Variants in TTC39B observed in about 807,000 individuals in gnomAD.
TTC39B encodes the protein tetratricopeptide repeat domain 39B.
TTC39B carries 92 observed loss-of-function variants against 96.6 expected under a neutral mutation model. That is an observed-to-expected ratio of 0.95 (90% CI 0.80 to 1.13). The LOEUF (loss-of-function observed/expected upper bound fraction) is 1.13, where lower values mean the gene tolerates loss of function less well. TTC39B is among the 50% of genes most tolerant of loss of function. The pLI is 0.00. For synonymous variants in TTC39B, 367 were observed against 299.4 expected, an observed-to-expected ratio of 1.23 and a Z score of -2.33; for missense variants, 955 against 809.3, an observed-to-expected ratio of 1.18 and a Z score of -2.18.
intron 1 of TTC39B, among the ~76,000 whole-genome samples, chr9:15,285,033 G>T (rs1400719861): frequency 1.3e-5 from 2 of 152,024 alleles, no homozygotes; most frequent in Non-Finnish European, 2.9e-5. Flanking sequence ...AGGCCGAGGC[G>T]AGCGGATCAC....
intron 3 of TTC39B, among the ~76,000 whole-genome samples, chr9:15,218,327 T>A (rs1030864085): frequency 6.6e-6 from 1 of 152,148 alleles, no homozygotes; most frequent in Admixed American, 6.5e-5. Flanking sequence ...ACCTTCACAA[T>A]GTCCCTTAAC....
chr9:15,201,764 C>T (rs367573253), intron 7 of TTC39B, among the ~76,000 whole-genome samples: 4 of 152,112 alleles, frequency 2.6e-5, no homozygotes, highest in African/African-American at 4.8e-5. Context: ...GTGCGGGGGG[C>T]GGGTAGGGAA....
intron 1 of TTC39B, among the ~76,000 whole-genome samples, chr9:15,300,658 G>T (rs769321971): frequency 6.6e-6 from 1 of 152,174 alleles, no homozygotes; most frequent in Non-Finnish European, 1.5e-5. Flanking sequence ...GGCCAAGGCA[G>T]GTGGATCACC....
chr9:15,242,814 G>A (rs1031300126), intron 2 of TTC39B, among the ~76,000 whole-genome samples: 1 of 152,170 alleles, frequency 6.6e-6, no homozygotes, highest in African/African-American at 2.4e-5. Context: ...AGTTCTCTGT[G>A]TTATTCTTGC....
chr9:15,283,886 G>A (rs1823861341), intron 1 of TTC39B, among the ~76,000 whole-genome samples: 1 of 151,960 alleles, frequency 6.6e-6, no homozygotes, highest in African/African-American at 2.4e-5. Context: ...TTTAAAAAAT[G>A]GGTATTTTTT....
chr9:15,240,034 G>T (rs1285750252), intron 2 of TTC39B, among the ~76,000 whole-genome samples: 2 of 152,156 alleles, frequency 1.3e-5, no homozygotes, highest in African/African-American at 4.8e-5. Flanking sequence ...AAAAAAAACT[G>T]CTTCCCAGAC....
exon 20 of TTC39B, chr9:15,171,147 C>G (rs1475889887): frequency 6.6e-6 from 1 of 152,054 alleles, no homozygotes; most frequent in East Asian, 1.9e-4. Context: ...CATCACAGTG[C>G]TAGAGAGATT....
intron 8 of TTC39B, among the ~76,000 whole-genome samples, chr9:15,193,957 T>C (rs945723588): frequency 1.3e-5 from 2 of 152,160 alleles, no homozygotes; most frequent in African/African-American, 4.8e-5. Context: ...AACCTCGATA[T>C]CCAGGATCCC....
rs1554779421 is a variant in TTC39B at position 15,235,020 on chromosome 9, G to GGTCAATAAATAAATAA, written c.276-9009_276-9008insTTATTTATTTATTGAC. Among the ~76,000 whole-genome samples, 9 of 55,456 alleles carry GGTCAATAAATAAATAA rather than the reference G, an allele frequency of 1.6e-4. No homozygotes were observed. The East Asian group carries it at 0.012, about 74-fold the overall frequency. 36.4% of individuals were successfully genotyped at this position (55,456 alleles called of 152,430 possible). ...CCCTCTGTGAGAAACACCCAAGAAT[G>GGTCAATAAATAAATAA]ATCAATAAATAAATAAATAAATAAA... is the stretch of plus-strand genomic sequence containing the variant. On this transcript the variant is annotated intron_variant, in intron 2 of 19. Transcript: ENST00000512701.
rs542745090 is a variant in TTC39B at position 15,294,986 on chromosome 9, C to T, written c.240+12098G>A. Among the ~76,000 whole-genome samples, 24 of 152,330 alleles carry T rather than the reference C, an allele frequency of 1.6e-4. No individual in the cohort carries two copies. The South Asian group carries it at 4.4e-3, about 28-fold the overall frequency. The stretch of plus-strand genomic sequence containing the variant: ...ATGGAGGAGCAGGGATTCAAGCCCA[C>T]GTCCAACTGACTCCAGAACTTACAA... On this transcript the variant is annotated intron_variant, in intron 1 of 19. Coordinates refer to ENST00000512701, the Ensembl canonical transcript of TTC39B.
chr9:15,242,426 A>G (rs1382232137), intron 2 of TTC39B, among the ~76,000 whole-genome samples: 1 of 152,152 alleles, frequency 6.6e-6, no homozygotes. Context: ...TACAAAAAAT[A>G]CGAAAAATCA....
At chr9:15,269,794 A>C (rs1823272082) in intron 1 of TTC39B, among the ~76,000 whole-genome samples, 1 of 149,610 alleles carries the variant, frequency 6.7e-6, no homozygotes, top group African/African-American at 2.4e-5. Flanking sequence ...GGCGGACGTT[A>C]CAGTGAGCCG....
intron 1 of TTC39B, among the ~76,000 whole-genome samples, chr9:15,289,610 G>A (rs150684989): frequency 3.9e-4 from 60 of 152,266 alleles, no homozygotes; most frequent in African/African-American, 1.1e-3. Flanking sequence ...TTCCTCTCTC[G>A]CACATGTCTT....
chr9:15,270,258 C>T (rs1466307868), intron 1 of TTC39B, among the ~76,000 whole-genome samples: 1 of 151,992 alleles, frequency 6.6e-6, no homozygotes, highest in Non-Finnish European at 1.5e-5. Flanking sequence ...TATCATACTC[C>T]ATAAGGGAGG....
intron 1 of TTC39B, among the ~76,000 whole-genome samples, chr9:15,285,330 C>T (rs1823928481): frequency 6.6e-6 from 1 of 151,194 alleles, no homozygotes; most frequent in South Asian, 2.1e-4. Context: ...TACTTTCAGT[C>T]TCTAGACAAC....
intron 4 of TTC39B, among the ~76,000 whole-genome samples, chr9:15,211,876 G>A (rs552808877): frequency 7.4e-4 from 112 of 152,300 alleles, no homozygotes; most frequent in African/African-American, 2.5e-3. Flanking sequence ...AAGTTAGGCT[G>A]GTCACAAGAG....
chr9:15,265,351 G>A (rs553152248), intron 2 of TTC39B, among the ~76,000 whole-genome samples: 146 of 152,236 alleles, frequency 9.6e-4, no homozygotes, highest in Middle Eastern at 6.8e-3. Context: ...AGTGAGACCC[G>A]TCCTCCTCTG....
chr9:15,283,650 T>C (rs1426811751), intron 1 of TTC39B, among the ~76,000 whole-genome samples: 5 of 152,130 alleles, frequency 3.3e-5, no homozygotes, highest in South Asian at 2.1e-4. Flanking sequence ...CCCTGAAAAA[T>C]TGAAACTATG....
At chr9:15,226,931 A>G (rs1255868916) in intron 2 of TTC39B, among the ~76,000 whole-genome samples, 1 of 152,206 alleles carries the variant, frequency 6.6e-6, no homozygotes, top group African/African-American at 2.4e-5. Flanking sequence ...TCATTAAAAA[A>G]AGAGGTAAAG....
Sources: allele counts gnomAD v4.1 joint callset (sites outside exome capture counted in the v4.1 genomes callset), GRCh38; gene constraint gnomAD v4.1.1; transcripts MANE v1.5; gene names NCBI Gene and HGNC (gene_info 2026-07-23, HGNC 2026-07-21).